ELL2: variants seen among roughly 807,000 people sequenced by gnomAD.
The protein encoded by ELL2 is RNA polymerase II elongation factor ELL2.
Under a neutral mutation model 72.8 loss-of-function variants are expected in ELL2, and 21 were observed. The ratio of observed to expected loss-of-function variants is 0.29; its 90% CI spans 0.20 to 0.42. The LOEUF is 0.42. Among genes scored for constraint, ELL2 ranks in the 10% least tolerant of loss-of-function variants. The pLI, the probability that ELL2 is intolerant of heterozygous loss-of-function variation, is 1.00. For synonymous variants in ELL2, 266 were observed against 283.2 expected (o/e 0.94, Z 0.61); for missense variants, 568 against 772.8 (o/e 0.73, Z 3.14).
intron 2 of ELL2, among the ~76,000 whole-genome samples, chr5:95,940,512 G>C (rs1195438429): frequency 6.6e-6 from 1 of 152,086 alleles, no homozygotes; most frequent in African/African-American, 2.4e-5. Context: ...AGTCTCATCA[G>C]GGAAACAGAA....
In ELL2 at chr5:95,952,075, T is replaced by C. The variant is rs542032012; in HGVS notation, c.148-9026A>G. Reference sequence around the variant, plus strand: ...ACCTAAATGCCCATCAAAGGTAGACTGGATTAAGAAAAGGTGGTACATATA... The same window carrying C: ...ACCTAAATGCCCATCAAAGGTAGACCGGATTAAGAAAAGGTGGTACATATA... On this transcript the variant is annotated intron_variant, in intron 1 of 11. Coordinates refer to ENST00000237853, the MANE Select transcript of ELL2 (RefSeq NM_012081.6). Among the ~76,000 whole-genome samples the C allele has an allele frequency of 2.0e-5, 3 of 152,178 alleles. No homozygotes were observed. The East Asian group carries it at 5.8e-4, about 29-fold the overall frequency.
At chr5:95,955,352 G>C (rs3777166) in intron 1 of ELL2, among the ~76,000 whole-genome samples, 41,088 of 152,038 alleles carry the variant, frequency 0.27, 6,213 homozygotes, top group African/African-American at 0.42. Flanking sequence ...GGAGCTTATA[G>C]CTTAATTAAT....
At chr5:95,897,351 G>C (rs1748913433) in intron 8 of ELL2, among the ~76,000 whole-genome samples, 1 of 152,174 alleles carries the variant, frequency 6.6e-6, no homozygotes, top group Admixed American at 6.5e-5. Flanking sequence ...TAGTTATTCT[G>C]GTTTTAAAAC....
In ELL2 at chr5:95,898,447, G is replaced by T. The variant is rs139908232; in HGVS notation, c.1318C>A (p.Pro440Thr). The T allele has an allele frequency of 2.8e-5, 45 of 1,613,538 alleles. No individual in the cohort carries two copies. Among genetic ancestry groups the T allele is most frequent in the Non-Finnish European group, 3.6e-5 (43 of 1,179,918 alleles). ...TSRTSLETLPPGSVLLKCPKP... is the reference protein window; with the variant it reads ...TSRTSLETLPTGSVLLKCPKP... ...GGACACTTTAGTAGAACGGAACCAGGGGGTAAGGTTTCCAGAGAAGTCCTA... is the reference window on the plus strand; with the variant it reads ...GGACACTTTAGTAGAACGGAACCAGTGGGTAAGGTTTCCAGAGAAGTCCTA... The change falls in exon 8 of 12, where the codon CCT becomes ACT. Residue 440 changes from proline to threonine, a missense_variant. Physicochemically the swap from Pro to Thr is conservative, Grantham distance 38. Transcript: ENST00000237853.
At chr5:95,940,735 A>T (rs1750938682) in intron 2 of ELL2, among the ~76,000 whole-genome samples, 1 of 152,180 alleles carries the variant, frequency 6.6e-6, no homozygotes, top group South Asian at 2.1e-4. Flanking sequence ...CCCTAAACAT[A>T]TTTCACATAG....
intron 2 of ELL2, among the ~76,000 whole-genome samples, chr5:95,920,945 T>A (rs1053076920): frequency 6.6e-6 from 1 of 152,200 alleles, no homozygotes. Flanking sequence ...TTAGCGTGTA[T>A]GCACTCACAC....
At chr5:95,944,717 C>A (rs945887700) in intron 1 of ELL2, among the ~76,000 whole-genome samples, 5 of 152,210 alleles carry the variant, frequency 3.3e-5, no homozygotes, top group African/African-American at 1.2e-4. Context: ...CCAGCTTTCA[C>A]AATATTTCCA....
At chr5:95,894,236 G>A (rs747601517) in intron 9 of ELL2, among the ~76,000 whole-genome samples, 9 of 151,946 alleles carry the variant, frequency 5.9e-5, no homozygotes, top group Middle Eastern at 3.2e-3. Context: ...GCGAAATTCC[G>A]TCTCAAAAAC....
chr5:95,906,187 C>T (rs538261316), intron 5 of ELL2, among the ~76,000 whole-genome samples: 3 of 152,114 alleles, frequency 2.0e-5, no homozygotes, highest in Admixed American at 1.3e-4. Context: ...ACAATTTCAC[C>T]GACAATAATC....
intron 1 of ELL2, among the ~76,000 whole-genome samples, chr5:95,950,816 C>T (rs1170437682): frequency 6.8e-6 from 1 of 148,118 alleles, no homozygotes; most frequent in African/African-American, 2.5e-5. Flanking sequence ...TTAGCACAAT[C>T]CTTGTTTTGA....
intron 4 of ELL2, among the ~76,000 whole-genome samples, chr5:95,910,642 C>G (rs1749553869): frequency 6.6e-6 from 1 of 152,106 alleles, no homozygotes; most frequent in African/African-American, 2.4e-5. Flanking sequence ...CAGGTGACCC[C>G]TAGGAACACA....
intron 9 of ELL2, among the ~76,000 whole-genome samples, chr5:95,893,434 G>C (rs1748741229): frequency 6.6e-6 from 1 of 152,134 alleles, no homozygotes; most frequent in African/African-American, 2.4e-5. Flanking sequence ...GCCCAGGCTG[G>C]AGTGCAGTGG....
intron 1 of ELL2, among the ~76,000 whole-genome samples, chr5:95,944,175 A>G (rs879483044): frequency 1.3e-5 from 2 of 152,240 alleles, no homozygotes; most frequent in East Asian, 1.9e-4. Context: ...GTTTACTAAT[A>G]GGGATTATAA....
At chr5:95,892,738 A>G (rs751402811) in intron 9 of ELL2, among the ~76,000 whole-genome samples, 1 of 152,216 alleles carries the variant, frequency 6.6e-6, no homozygotes, top group Non-Finnish European at 1.5e-5. Flanking sequence ...ACAGACGCCT[A>G]GCAGAAAATG....
chr5:95,955,405 C>A (rs1228760486), intron 1 of ELL2, among the ~76,000 whole-genome samples: 1 of 152,074 alleles, frequency 6.6e-6, no homozygotes, highest in African/African-American at 2.4e-5. Flanking sequence ...CATGCAAATG[C>A]CAGTTTTGGT....
chr5:95,894,752 C>T lies in ELL2; in HGVS notation c.1589+876G>A, dbSNP rs541637402. ...ACACTACTGTTAAGCAGAAGTAACA[C>T]ATTTTAAATCTAAAATGATCTTTAC... On this transcript the variant is annotated intron_variant, in intron 9 of 11. Transcript: ENST00000237853. Among the ~76,000 whole-genome samples, 18 of 152,310 alleles carry T rather than the reference C, an allele frequency of 1.2e-4. No homozygotes were observed. The South Asian group carries it at 3.7e-3, about 32-fold the overall frequency.
chr5:95,892,931 G>A (rs960794583), intron 9 of ELL2, among the ~76,000 whole-genome samples: 4 of 152,202 alleles, frequency 2.6e-5, no homozygotes, highest in Non-Finnish European at 5.9e-5. Context: ...CAGTGAAGCA[G>A]TCCTTCCTAG....
At chr5:95,959,009 G>T (rs1020874345) in intron 1 of ELL2, among the ~76,000 whole-genome samples, 2 of 152,092 alleles carry the variant, frequency 1.3e-5, no homozygotes, top group African/African-American at 4.8e-5. Context: ...GGCTTTTAGA[G>T]CACTGTAAAC....
chr5:95,895,150 A>G (rs1748818749), intron 9 of ELL2, among the ~76,000 whole-genome samples: 1 of 152,258 alleles, frequency 6.6e-6, no homozygotes, highest in Non-Finnish European at 1.5e-5. Flanking sequence ...AAATGATCAG[A>G]TTTTACTCTT....
Sources: allele counts gnomAD v4.1 joint callset (sites outside exome capture counted in the v4.1 genomes callset), GRCh38; gene constraint gnomAD v4.1.1; transcripts MANE v1.5; gene names NCBI Gene and HGNC (gene_info 2026-07-23, HGNC 2026-07-21).